Variants in DRC8 observed in about 807,000 individuals in gnomAD.
DRC8 encodes the protein dynein regulatory complex protein 8.
chr1:245,002,778 A>G, the DRC8 span, among the ~76,000 whole-genome samples: 2 of 149,956 alleles, frequency 1.3e-5, no homozygotes, highest in Admixed American at 1.3e-4. Context: ...TAGTATTTTG[A>G]ATTATTTTTA....
chr1:245,101,810 A>G, the DRC8 span, among the ~76,000 whole-genome samples: 2 of 152,096 alleles, frequency 1.3e-5, no homozygotes, highest in African/African-American at 2.4e-5. Flanking sequence ...ATTTCAATCC[A>G]TTGTCGTCAT....
the DRC8 span, among the ~76,000 whole-genome samples, chr1:245,038,742 C>G: frequency 6.6e-6 from 1 of 151,914 alleles, no homozygotes; most frequent in Admixed American, 6.6e-5. Flanking sequence ...CAACAAGTAT[C>G]TAGGTTTAAA....
the DRC8 span, among the ~76,000 whole-genome samples, chr1:244,994,772 G>A: frequency 0.092 from 14,078 of 152,202 alleles, 843 homozygotes; most frequent in East Asian, 0.25. Flanking sequence ...GAAAGGATCT[G>A]TAAGACTCAC....
the DRC8 span, among the ~76,000 whole-genome samples, chr1:244,975,422 T>G: frequency 1.3e-5 from 2 of 152,216 alleles, no homozygotes; most frequent in African/African-American, 4.8e-5. Context: ...AATTATCTGA[T>G]CTTAGCCGAG....
At chr1:245,119,262 CGAATAT>C in the DRC8 span, among the ~76,000 whole-genome samples, 1 of 151,678 alleles carries the variant, frequency 6.6e-6, no homozygotes, top group Admixed American at 6.6e-5. Flanking sequence ...TAATGAAGTG[CGAATAT>C]GAAGTGAAAT....
chr1:244,970,542 A>C, the DRC8 span: 2 of 1,436,136 alleles, frequency 1.4e-6, no homozygotes, highest in Non-Finnish European at 1.8e-6. Context: ...GTCCATCTGG[A>C]GTTCCCACCC....
the DRC8 span, among the ~76,000 whole-genome samples, chr1:245,116,431 G>A: frequency 1.7e-4 from 26 of 152,066 alleles, no homozygotes; most frequent in African/African-American, 5.8e-4. Flanking sequence ...TTGGCTTGAG[G>A]AGTCTAGAAA....
chr1:245,085,334 A>C, the DRC8 span, among the ~76,000 whole-genome samples: 24 of 152,192 alleles, frequency 1.6e-4, no homozygotes, highest in Non-Finnish European at 2.8e-4. Context: ...TTGAGGGCAA[A>C]GGTAAACTCT....
At chr1:245,014,164 T>A in the DRC8 span, among the ~76,000 whole-genome samples, 2 of 152,224 alleles carry the variant, frequency 1.3e-5, no homozygotes, top group African/African-American at 4.8e-5. Flanking sequence ...ATGATTTTGA[T>A]CATCAGAAAG....
At chr1:245,021,180 A>C in the DRC8 span, among the ~76,000 whole-genome samples, 4 of 152,260 alleles carry the variant, frequency 2.6e-5, no homozygotes, top group East Asian at 7.7e-4. Context: ...TGAATTAATA[A>C]ATACATATTT....
chr1:245,006,017 G>T, the DRC8 span, among the ~76,000 whole-genome samples: 1 of 152,166 alleles, frequency 6.6e-6, no homozygotes, highest in South Asian at 2.1e-4. Flanking sequence ...CCTGCCTAGT[G>T]CATCTGTGTG....
chr1:245,053,100 A>G, the DRC8 span, among the ~76,000 whole-genome samples: 8 of 152,320 alleles, frequency 5.3e-5, no homozygotes, highest in East Asian at 1.5e-3. Flanking sequence ...TTTGGCTCTT[A>G]TATTGTACAG....
At chr1:245,040,203 GT>G in the DRC8 span, among the ~76,000 whole-genome samples, 12 of 152,172 alleles carry the variant, frequency 7.9e-5, no homozygotes, top group African/African-American at 2.4e-4. Context: ...ATTGGGCAAT[GT>G]GGAATTTAGA....
the DRC8 span, among the ~76,000 whole-genome samples, chr1:245,027,977 G>A: frequency 3.3e-5 from 5 of 151,142 alleles, no homozygotes; most frequent in Admixed American, 2.0e-4. Context: ...CTGCAGCCTC[G>A]ACCTCCTGGG....
chr1:245,051,022 A>G, the DRC8 span, among the ~76,000 whole-genome samples: 1 of 152,086 alleles, frequency 6.6e-6, no homozygotes, highest in African/African-American at 2.4e-5. Context: ...ATGCGCCACC[A>G]TACCCCAATA....
the DRC8 span, among the ~76,000 whole-genome samples, chr1:245,118,439 G>A: frequency 6.6e-6 from 1 of 152,196 alleles, no homozygotes; most frequent in Non-Finnish European, 1.5e-5. Context: ...GTGTCACCTT[G>A]TGGAGCATTT....
chr1:245,115,044 T>C, the DRC8 span, among the ~76,000 whole-genome samples: 21 of 150,918 alleles, frequency 1.4e-4, no homozygotes, highest in African/African-American at 5.1e-4. Flanking sequence ...TTATTTATTT[T>C]ATTATTTATT....
At chr1:245,016,611 T>G in the DRC8 span, among the ~76,000 whole-genome samples, 1 of 152,256 alleles carries the variant, frequency 6.6e-6, no homozygotes, top group Non-Finnish European at 1.5e-5. Flanking sequence ...AGTAGCTCTA[T>G]GGAGGCAGGA....
At chr1:244,980,136 G>A in the DRC8 span, among the ~76,000 whole-genome samples, 1 of 149,172 alleles carries the variant, frequency 6.7e-6, no homozygotes, top group Non-Finnish European at 1.5e-5. Context: ...GGACAATGGC[G>A]TGGACCCAGG....
Sources: gnomAD v4.1 joint callset for allele counts (sites outside exome capture counted in the v4.1 genomes callset) on GRCh38, gnomAD v4.1.1 for gene constraint, MANE v1.5 for transcripts, NCBI Gene and HGNC (gene_info 2026-07-23, HGNC 2026-07-21) for gene names.